The following PCDHGC3 variants were observed in gnomAD, a reference collection of about 807,000 sequenced individuals.
PCDHGC3 encodes the protein protocadherin gamma subfamily C, 3.
A neutral mutation model predicts 59.2 loss-of-function variants in PCDHGC3; 26 were observed. The observed-to-expected ratio is 0.44, with a 90% CI of 0.32 to 0.61. The LOEUF (loss-of-function observed/expected upper bound fraction) is 0.61. Ranked by LOEUF, PCDHGC3 falls within the 20% of genes least tolerant of loss-of-function variation. The pLI, the probability that PCDHGC3 is intolerant of heterozygous loss-of-function variation, is 0.05. For synonymous variants in PCDHGC3, 487 were observed against 519.7 expected (o/e 0.94, Z 0.86); for missense variants, 1,080 against 1,221.8 (o/e 0.88, Z 1.73).
In PCDHGC3 at chr5:141,485,269, C is replaced by T. The variant is rs760197007; in HGVS notation, c.2430+6723C>T. The T allele has an allele frequency of 6.2e-7, 1 of 1,614,090 alleles. No homozygotes were observed. Among genetic ancestry groups the T allele is most frequent in the Admixed American group, 1.7e-5 (1 of 60,028 alleles). On this transcript the variant is annotated intron_variant, in intron 1 of 3. Transcript: ENST00000308177. The surrounding 1 kb of genome is among the most constrained non-coding windows in gnomAD (Gnocchi z 5.7). ...TGGGTTACGTTTGTGGGCAGATCCG[C>T]TACCCGGTCCCAGAGGAGTCACAGG... is the stretch of plus-strand genomic sequence containing the variant.
Position 141,490,348 on chromosome 5 carries a change from G to T in PCDHGC3, c.2431-4459G>T, listed in dbSNP as rs2099698964. On this transcript the variant is annotated intron_variant, in intron 1 of 3. Transcript: ENST00000308177. The surrounding 1 kb of genome is among the most constrained non-coding windows in gnomAD (Gnocchi z 5.4). ...GAGCACACCAGTGGGCACAGTAGTG[G>T]GGTTGTTTAATGTGCGAGACCGGGA... The T allele has an allele frequency of 1.2e-6, 2 of 1,614,080 alleles. No homozygotes were observed. The highest frequency in any genetic ancestry group is 3.3e-5 in the Admixed American group (2 of 60,018).
intron 2 of PCDHGC3, among the ~76,000 whole-genome samples, chr5:141,502,352 C>G (rs544911376): frequency 3.2e-4 from 49 of 151,888 alleles, no homozygotes; most frequent in African/African-American, 1.2e-3. Flanking sequence ...TTTTTAATGA[C>G]ATGGATATTT....
In PCDHGC3 at chr5:141,489,353, A is replaced by G. The variant is rs1423278514; in HGVS notation, c.2431-5454A>G. 3.7e-6 allele frequency: 6 copies of G among 1,612,316 alleles called. No homozygotes were observed. In the African/African-American group the frequency reaches 6.7e-5, roughly 18 times the overall value. ...CAGCTTCGTTACTCAGTGGTGGAGG[A>G]GTCTGAGCCGGGGACGCTGGTGGGG... On this transcript the variant is annotated intron_variant, in intron 1 of 3. Transcript: ENST00000308177. This position sits in a 1 kb window ranked among gnomAD's most constrained non-coding sequence, Gnocchi z 4.5.
rs139608956 is a variant in PCDHGC3, at chr5:141,510,637, A to G, written c.2579-310A>G. Among the ~76,000 whole-genome samples, 4 of 152,242 alleles carry G rather than the reference A, an allele frequency of 2.6e-5. No individual in the cohort carries two copies. The East Asian group carries it at 7.7e-4, about 29-fold the overall frequency. ...ACTAAAACCAGAAGAGGTGGTTACC[A>G]TTATCATCCCCATTTTGCAGATGAG... On this transcript the variant is annotated intron_variant, in intron 3 of 3. Transcript: ENST00000308177.
In PCDHGC3 at chr5:141,477,629, C is replaced by A. The variant is rs1191573380; in HGVS notation, c.1513C>A (p.Leu505Ile). The A allele has an allele frequency of 6.2e-7, 1 of 1,614,040 alleles. No individual in the cohort carries two copies. The highest frequency in any genetic ancestry group is 8.5e-7 in the Non-Finnish European group (1 of 1,180,040). ...FLLEQGAETG[L>I]VGRYFTINRD... ...CTTGGAGCAAGGAGCTGAAACCGGGCTAGTGGGTCGCTATTTCACAATAAA... is the reference window on the plus strand; with the variant it reads ...CTTGGAGCAAGGAGCTGAAACCGGGATAGTGGGTCGCTATTTCACAATAAA... Residue 505 changes from leucine (L) to isoleucine (I), a missense_variant, in exon 1 of 4, where the codon CTA (leucine) becomes ATA (isoleucine). By Grantham distance (5) the Leu-to-Ile change is conservative (BLOSUM62 2). Coordinates refer to ENST00000308177, the MANE Select transcript of PCDHGC3 (RefSeq NM_002588.4). The surrounding 1 kb of genome is among the most constrained non-coding windows in gnomAD (Gnocchi z 4.9).
Position 141,510,866 on chromosome 5 carries a change from C to G in PCDHGC3, c.2579-81C>G. 1.9e-6 allele frequency: 3 copies of G among 1,607,908 alleles called. No homozygotes were observed. The East Asian group carries it at 6.7e-5, about 36-fold the overall frequency. ...AGGCCCAGGGTGCTGTATAGGCATT[C>G]ATTAACTGCTGGGGATATAAGACAG... On this transcript the variant is annotated intron_variant, in intron 3 of 3. Coordinates refer to ENST00000308177, the MANE Select transcript of PCDHGC3 (RefSeq NM_002588.4).
Position 141,485,666 on chromosome 5 carries a change from A to C in PCDHGC3, c.2430+7120A>C. 1.2e-6 allele frequency: 2 copies of C among 1,612,786 alleles called. No homozygotes were observed. Among genetic ancestry groups the C allele is most frequent in the Non-Finnish European group, 1.7e-6 (2 of 1,178,960 alleles). ...GGCTCAGGATGCAGATGTGGGGAGCAATTCGATTAGCAGCTATAGGCTGAG... is the reference window on the plus strand; with the variant it reads ...GGCTCAGGATGCAGATGTGGGGAGCCATTCGATTAGCAGCTATAGGCTGAG... On this transcript the variant is annotated intron_variant, in intron 1 of 3. Transcript: ENST00000308177. This position sits in a 1 kb window ranked among gnomAD's most constrained non-coding sequence, Gnocchi z 5.7.
Position 141,510,960 on chromosome 5 carries a change from G to C in PCDHGC3, c.2592G>C (p.Gly864=). The change falls in exon 4 of 4, where the codon GGG becomes GGC. Residue 864 remains glycine, a synonymous_variant. Transcript: ENST00000308177. ...CTGTCTCTGCAGAAGCTGCTGATGG[G>C]AGCTCCACCCTGGGAGGGGGTGCCG... The part of the protein sequence containing the change: ...ILASASEAAD[G]SSTLGGGAGT... 1 of 1,614,120 alleles carries C rather than the reference G, an allele frequency of 6.2e-7. No homozygotes were observed. Among genetic ancestry groups the C allele is most frequent in the Non-Finnish European group, 8.5e-7 (1 of 1,180,022 alleles).
chr5:141,486,940 A>T lies in PCDHGC3; in HGVS notation c.2431-7867A>T. ...CTCCATCAGTTGGTGCTGGCCACCTAATCACAAAGGTGACTGCTGTGGACT... is the reference window on the plus strand; with the variant it reads ...CTCCATCAGTTGGTGCTGGCCACCTTATCACAAAGGTGACTGCTGTGGACT... On this transcript the variant is annotated intron_variant, in intron 1 of 3. Coordinates refer to ENST00000308177, the MANE Select transcript of PCDHGC3 (RefSeq NM_002588.4). This position sits in a 1 kb window ranked among gnomAD's most constrained non-coding sequence, Gnocchi z 5.0. 6.2e-7 allele frequency: 1 copy of T among 1,614,188 alleles called. No homozygotes were observed. Among genetic ancestry groups the T allele is most frequent in the Non-Finnish European group, 8.5e-7 (1 of 1,180,032 alleles).
chr5:141,480,651 C>T (rs780138971), intron 1 of PCDHGC3, among the ~76,000 whole-genome samples: 1 of 152,174 alleles, frequency 6.6e-6, no homozygotes, highest in African/African-American at 2.4e-5. Flanking sequence ...CTTGGTTGCA[C>T]ATTAAAATCA....
rs2099735960 is a variant in PCDHGC3 at position 141,491,997 on chromosome 5, G to A, written c.2431-2810G>A. On this transcript the variant is annotated intron_variant, in intron 1 of 3. Transcript: ENST00000308177. The surrounding 1 kb of genome is among the most constrained non-coding windows in gnomAD (Gnocchi z 6.9). ...CCTTCGAGCTTCCGGTGAATTTCGG[G>A]CGATTTCCGCGGGTGTCGGGGGTCC... The A allele has an allele frequency of 1.5e-6, 1 of 671,074 alleles. No homozygotes were observed. The allele number at this position is 671,074 out of a possible 1,614,324, so 41.6% of individuals were successfully genotyped here.
chr5:141,484,549 G>A (rs939394402), intron 1 of PCDHGC3, among the ~76,000 whole-genome samples: 1 of 152,162 alleles, frequency 6.6e-6, no homozygotes, highest in African/African-American at 2.4e-5. Context: ...GTTCTAATTA[G>A]CAGTTGCTCC....
At chr5:141,501,540 A>G (rs151047391) in intron 2 of PCDHGC3, among the ~76,000 whole-genome samples, 2 of 152,138 alleles carry the variant, frequency 1.3e-5, no homozygotes, top group East Asian at 3.9e-4. Flanking sequence ...GTTGTTGTGC[A>G]TAAGATCATA....
Position 141,477,778 on chromosome 5 carries a change from C to T in PCDHGC3, c.1662C>T (p.Asn554=), listed in dbSNP as rs866423908. The change falls in exon 1 of 4, where the codon AAC becomes AAT. Residue 554 remains asparagine, a synonymous_variant. Transcript: ENST00000308177. This position sits in a 1 kb window ranked among gnomAD's most constrained non-coding sequence, Gnocchi z 4.9. ...TCCTAGCCACCAACATCAGCGTGAA[C>T]ATATTTGTCACTGATCGCAATGACA... ...TPVLATNISV[N]IFVTDRNDNA... 2.5e-6 allele frequency: 4 copies of T among 1,614,052 alleles called. No homozygotes were observed. In the African/African-American group the frequency reaches 5.3e-5, roughly 22 times the overall value.
intron 2 of PCDHGC3, 147 bp from the exon 3 acceptor site, chr5:141,505,246 G>A (rs2099844792): frequency 2.1e-6 from 3 of 1,436,556 alleles, no homozygotes; most frequent in African/African-American, 1.4e-5. Flanking sequence ...AAGGATTGTA[G>A]AAGTGCCTCC....
Position 141,491,995 on chromosome 5 carries a change from G to C in PCDHGC3, c.2431-2812G>C, listed in dbSNP as rs76332593. On this transcript the variant is annotated intron_variant, in intron 1 of 3. Transcript: ENST00000308177. The surrounding 1 kb of genome is among the most constrained non-coding windows in gnomAD (Gnocchi z 6.9). ...CTCCTTCGAGCTTCCGGTGAATTTC[G>C]GGCGATTTCCGCGGGTGTCGGGGGT... is the stretch of plus-strand genomic sequence containing the variant. 0.033 allele frequency: 22,941 copies of C among 696,644 alleles called. 426 individuals carry two copies. The highest frequency in any genetic ancestry group is 0.093 in the Middle Eastern group (249 of 2,666). The allele number at this position is 696,644 out of a possible 1,614,324, so 43.2% of individuals were successfully genotyped here. A position where few individuals can be genotyped will look rare whatever the true frequency, so the allele number is the denominator to read the frequency against.
chr5:141,492,487 C>T (rs1031047955), intron 1 of PCDHGC3, among the ~76,000 whole-genome samples: 1 of 152,222 alleles, frequency 6.6e-6, no homozygotes, highest in Non-Finnish European at 1.5e-5. Context: ...CGCCCAGGAC[C>T]AGGCGAGGAC....
intron 1 of PCDHGC3, among the ~76,000 whole-genome samples, chr5:141,482,554 A>T (rs997707871): frequency 4.1e-5 from 6 of 146,884 alleles, no homozygotes; most frequent in Non-Finnish European, 6.0e-5. Flanking sequence ...AAAAAAGATA[A>T]TGGAGATCTG....
In PCDHGC3 at chr5:141,490,647, G is replaced by T; in HGVS notation, c.2431-4160G>T. 6.2e-7 allele frequency: 1 copy of T among 1,614,084 alleles called. No homozygotes were observed. Among genetic ancestry groups the T allele is most frequent in the Non-Finnish European group, 8.5e-7 (1 of 1,180,014 alleles). ...CTTACATCCTAGAAAACCGGCCTCCGGGCTCCCTTCTTTGCACTGTGGCTG... is the reference window on the plus strand; with the variant it reads ...CTTACATCCTAGAAAACCGGCCTCCTGGCTCCCTTCTTTGCACTGTGGCTG... On this transcript the variant is annotated intron_variant, in intron 1 of 3. Transcript: ENST00000308177. This position sits in a 1 kb window ranked among gnomAD's most constrained non-coding sequence, Gnocchi z 5.4.
Sources: gnomAD v4.1 joint callset for allele counts (sites outside exome capture counted in the v4.1 genomes callset) on GRCh38, gnomAD v4.1.1 for gene constraint, Gnocchi (gnomAD v3.1) non-coding constraint, MANE v1.5 for transcripts, NCBI Gene and HGNC (gene_info 2026-07-23, HGNC 2026-07-21) for gene names.